The following CA10 variants were observed in gnomAD, a reference collection of about 807,000 sequenced individuals.
The protein encoded by CA10 is carbonic anhydrase-related protein 10.
In CA10, 14 loss-of-function variants were observed where a neutral mutation model predicts 44.2. That is an observed-to-expected ratio of 0.32 (90% CI 0.21 to 0.50). The LOEUF is 0.50. CA10 is among the 20% of genes least tolerant of loss of function. The pLI is 0.99. For missense variants in CA10, 350 were observed against 409.7 expected, an observed-to-expected ratio of 0.85 and a Z score of 1.26; for synonymous variants, 159 against 141.6, an observed-to-expected ratio of 1.12 and a Z score of -0.87.
intron 1 of CA10, among the ~76,000 whole-genome samples, chr17:52,112,254 T>C (rs1002100765): frequency 1.3e-5 from 2 of 152,004 alleles, no homozygotes; most frequent in African/African-American, 2.4e-5. Context: ...CATGTATTAA[T>C]ACATCCACTT....
intron 2 of CA10, among the ~76,000 whole-genome samples, chr17:52,012,165 T>G (rs565120056): frequency 6.6e-6 from 1 of 152,194 alleles, no homozygotes; most frequent in African/African-American, 2.4e-5. Flanking sequence ...AATGATTATC[T>G]TGATATTACA....
rs75709666 is a variant in CA10, at chr17:51,844,602, T to A, written c.279+86388A>T. Among the ~76,000 whole-genome samples the A allele has an allele frequency of 1.6e-3, 240 of 152,316 alleles. 1 individual carries two copies. Among genetic ancestry groups the A allele is most frequent in the African/African-American group, 5.5e-3 (229 of 41,564 alleles). On this transcript the variant is annotated intron_variant, in intron 3 of 8. Coordinates refer to ENST00000451037, the MANE Select transcript of CA10 (RefSeq NM_020178.5). Reference sequence around the variant, plus strand: ...AATAACATGGAATGTCTGTAAATATTCTTATCTCTTTTCACTGAGCCATAC... The same window carrying A: ...AATAACATGGAATGTCTGTAAATATACTTATCTCTTTTCACTGAGCCATAC...
intron 3 of CA10, among the ~76,000 whole-genome samples, chr17:51,859,333 G>A (rs1405204645): frequency 6.6e-6 from 1 of 152,092 alleles, no homozygotes; most frequent in Non-Finnish European, 1.5e-5. Flanking sequence ...ACTGCTGCCT[G>A]GCCATGTCTG....
At chr17:51,692,434 TTTA>T (rs1915244578) in intron 4 of CA10, among the ~76,000 whole-genome samples, 1 of 67,398 alleles carries the variant, frequency 1.5e-5, no homozygotes. Context: ...TATTTTACCA[TTTA>T]CCATGGGAAT....
rs1217500700 is a variant in CA10 at position 51,786,210 on chromosome 17, GTGTC to G, written c.280-38396_280-38393del. Among the ~76,000 whole-genome samples the G allele has an allele frequency of 3.5e-4, 39 of 112,524 alleles. No individual in the cohort carries two copies. The South Asian group carries it at 0.013, about 38-fold the overall frequency. 73.8% of individuals were successfully genotyped at this position (112,524 alleles called of 152,430 possible). ...TTTTAATGCGTTCTAACATCTTTGT[GTGTC>G]TGTGTGTGTGTGTGTGTGTGTGTGT... On this transcript the variant is annotated intron_variant, in intron 3 of 8. Transcript: ENST00000451037.
At chr17:51,716,954 G>T (rs951875717) in intron 4 of CA10, among the ~76,000 whole-genome samples, 1 of 152,318 alleles carries the variant, frequency 6.6e-6, no homozygotes, top group African/African-American at 2.4e-5. Flanking sequence ...GAGACACAGA[G>T]AGATGAATTA....
intron 4 of CA10, among the ~76,000 whole-genome samples, chr17:51,666,945 C>T (rs143769080): frequency 8.5e-5 from 13 of 152,316 alleles, no homozygotes; most frequent in Non-Finnish European, 1.8e-4. Flanking sequence ...AAACAAGACA[C>T]ATTTCATCCA....
chr17:51,651,759 C>G (rs1286385593), intron 5 of CA10, among the ~76,000 whole-genome samples: 3 of 152,202 alleles, frequency 2.0e-5, no homozygotes, highest in Non-Finnish European at 4.4e-5. Context: ...CTCAAGTTTT[C>G]AGACACATGA....
At chr17:51,887,378 A>T (rs1567873778) in intron 3 of CA10, among the ~76,000 whole-genome samples, 1 of 152,188 alleles carries the variant, frequency 6.6e-6, no homozygotes, top group Non-Finnish European at 1.5e-5. Context: ...GCTTGTTAGC[A>T]ATCAAACCTG....
In CA10 at chr17:51,751,445, C is replaced by T. The variant is rs549689246; in HGVS notation, c.280-3627G>A. Reference sequence around the variant, plus strand: ...ATTGTATGTCATATGTATTTTACAACAATAAAAAGTTGGTAAAAATTGCCC... The same window carrying T: ...ATTGTATGTCATATGTATTTTACAATAATAAAAAGTTGGTAAAAATTGCCC... On this transcript the variant is annotated intron_variant, in intron 3 of 8. Transcript: ENST00000451037. 6.6e-5 allele frequency among the ~76,000 whole-genome samples: 10 copies of T among 152,246 alleles called. No individual in the cohort carries two copies. In the South Asian group the frequency reaches 2.1e-3, roughly 32 times the overall value.
chr17:51,985,100 T>C (rs1238712599), intron 2 of CA10, among the ~76,000 whole-genome samples: 1 of 151,770 alleles, frequency 6.6e-6, no homozygotes, highest in Non-Finnish European at 1.5e-5. Flanking sequence ...GATGAACACA[T>C]ATGTTAAAAT....
At chr17:51,939,905 G>C (rs1201961225) in intron 2 of CA10, among the ~76,000 whole-genome samples, 2 of 152,050 alleles carry the variant, frequency 1.3e-5, no homozygotes, top group Non-Finnish European at 2.9e-5. Context: ...TGTATGGTTG[G>C]ATTTGTTGAT....
chr17:51,917,328 G>A (rs1982043599), intron 3 of CA10, among the ~76,000 whole-genome samples: 2 of 152,214 alleles, frequency 1.3e-5, no homozygotes, highest in Admixed American at 6.5e-5. Context: ...GGAATACCAG[G>A]GAAGAGATGT....
intron 1 of CA10, among the ~76,000 whole-genome samples, chr17:52,111,546 G>T (rs1397993245): frequency 1.3e-5 from 2 of 152,092 alleles, no homozygotes; most frequent in South Asian, 4.1e-4. Context: ...GCAAATGAAC[G>T]AATAAGTAAT....
At chr17:52,015,186 T>C (rs190138732) in intron 2 of CA10, among the ~76,000 whole-genome samples, 1 of 152,142 alleles carries the variant, frequency 6.6e-6, no homozygotes, top group South Asian at 2.1e-4. Flanking sequence ...AAGAAGTATA[T>C]AGACGTATAA....
chr17:51,765,666 GA>G (rs1435778008), intron 3 of CA10, among the ~76,000 whole-genome samples: 3 of 151,356 alleles, frequency 2.0e-5, no homozygotes, highest in Non-Finnish European at 4.4e-5. Flanking sequence ...TAATGCTAAT[GA>G]GAGCTTGCAA....
At chr17:51,721,857 A>G (rs1352908667) in intron 4 of CA10, among the ~76,000 whole-genome samples, 1 of 152,078 alleles carries the variant, frequency 6.6e-6, no homozygotes, top group Non-Finnish European at 1.5e-5. Flanking sequence ...CTGCAACCTT[A>G]CACTGTGTAC....
chr17:52,089,815 G>T (rs895966045), intron 1 of CA10, among the ~76,000 whole-genome samples: 1 of 151,952 alleles, frequency 6.6e-6, no homozygotes, highest in Admixed American at 6.6e-5. Context: ...TAAAACCATG[G>T]ATACATATTA....
chr17:52,018,505 A>C (rs73989022), intron 2 of CA10, among the ~76,000 whole-genome samples: 2 of 152,108 alleles, frequency 1.3e-5, no homozygotes, highest in Non-Finnish European at 1.5e-5. Flanking sequence ...TCAGACTTGC[A>C]TGGGGCTTGT....
Sources: allele counts gnomAD v4.1 joint callset (sites outside exome capture counted in the v4.1 genomes callset), GRCh38; gene constraint gnomAD v4.1.1; transcripts MANE v1.5; gene names NCBI Gene and HGNC (gene_info 2026-07-23, HGNC 2026-07-21).